Variants in RPTOR observed in about 807,000 individuals in gnomAD.
The protein encoded by RPTOR is regulatory associated protein of MTOR complex 1.
A neutral mutation model predicts 169.9 loss-of-function variants in RPTOR; 21 were observed. The ratio of observed to expected loss-of-function variants is 0.12; its 90% CI spans 0.09 to 0.18. The LOEUF (loss-of-function observed/expected upper bound fraction) is 0.18, where lower values mean the gene tolerates loss of function less well. Ranked by LOEUF, RPTOR falls within the 10% of genes least tolerant of loss-of-function variation. The pLI is 1.00. For missense variants in RPTOR, 1,133 were observed against 1,855.9 expected (o/e 0.61, Z 7.16); for synonymous variants, 732 against 753.2 (o/e 0.97, Z 0.46).
intron 13 of RPTOR, among the ~76,000 whole-genome samples, chr17:80,863,948 C>G (rs1224809129): frequency 1.3e-5 from 2 of 151,648 alleles, no homozygotes; most frequent in Non-Finnish European, 2.9e-5. Flanking sequence ...GCAATAGAAA[C>G]TAACAAAAAT....
intron 3 of RPTOR, among the ~76,000 whole-genome samples, chr17:80,656,408 T>G (rs1413154252): frequency 1.3e-5 from 2 of 152,190 alleles, no homozygotes; most frequent in Non-Finnish European, 2.9e-5. Context: ...GACTTCAGAA[T>G]CTAACTCCAG....
intron 13 of RPTOR, among the ~76,000 whole-genome samples, chr17:80,865,677 G>A (rs1016296078): frequency 1.3e-5 from 2 of 152,022 alleles, no homozygotes; most frequent in African/African-American, 2.4e-5. Flanking sequence ...ATGGAACTGC[G>A]AGGAGAAGTA....
At chr17:80,587,774 C>CT (rs56133925) in intron 1 of RPTOR, among the ~76,000 whole-genome samples, 27,625 of 147,032 alleles carry the variant, frequency 0.19, 2,802 homozygotes, top group East Asian at 0.28. Flanking sequence ...ACATATGTAT[C>CT]TTTTTTTTTT....
At chr17:80,710,712 T>C (rs1319563093) in intron 4 of RPTOR, among the ~76,000 whole-genome samples, 2 of 152,132 alleles carry the variant, frequency 1.3e-5, no homozygotes, top group East Asian at 3.9e-4. Flanking sequence ...TGGATTAACC[T>C]GTGTTATGAT....
At chr17:80,838,316 G>A (rs946484617) in intron 10 of RPTOR, among the ~76,000 whole-genome samples, 4 of 152,276 alleles carry the variant, frequency 2.6e-5, no homozygotes, top group South Asian at 2.1e-4. Flanking sequence ...CCACAGACGC[G>A]TTGTGGATCT....
intron 9 of RPTOR, among the ~76,000 whole-genome samples, chr17:80,836,468 G>A (rs990271125): frequency 4.6e-5 from 7 of 152,204 alleles, no homozygotes; most frequent in African/African-American, 1.4e-4. Flanking sequence ...GCGCGTGGCT[G>A]TCTCTCTAGG....
rs777170452 is a variant in RPTOR at position 80,822,310 on chromosome 17, C to T, written c.991+9C>T. 29 of 1,613,442 alleles carry T rather than the reference C, an allele frequency of 1.8e-5. No homozygotes were observed. The highest frequency in any genetic ancestry group is 1.8e-4 in the East Asian group (8 of 44,880). ...GAACGTGCTCCCCCGGGGTGAGGCG[C>T]GGGCCGGGCCTTGGGGAGGGAGGCT... On this transcript the variant is annotated intron_variant, in intron 8 of 33. Transcript: ENST00000306801.
At chr17:80,608,199 C>T (rs2065242380) in intron 1 of RPTOR, among the ~76,000 whole-genome samples, 1 of 152,222 alleles carries the variant, frequency 6.6e-6, no homozygotes. Flanking sequence ...GACGGCGCAG[C>T]ACAGTGACAG....
intron 9 of RPTOR, among the ~76,000 whole-genome samples, chr17:80,835,100 G>A (rs373886401): frequency 1.1e-4 from 16 of 152,146 alleles, no homozygotes; most frequent in African/African-American, 3.9e-4. Flanking sequence ...CGTACTTTGA[G>A]GCCTTTTGAT....
At chr17:80,894,764 C>CGTGTGTGT (rs367599427) in intron 20 of RPTOR, among the ~76,000 whole-genome samples, 1 of 150,660 alleles carries the variant, frequency 6.6e-6, no homozygotes, top group Non-Finnish European at 1.5e-5. Flanking sequence ...AAGAGCGCTG[C>CGTGTGTGT]GTGTGTGTGT....
intron 6 of RPTOR, among the ~76,000 whole-genome samples, chr17:80,755,815 C>A (rs2066675505): frequency 6.6e-6 from 1 of 151,540 alleles, no homozygotes; most frequent in African/African-American, 2.4e-5. Context: ...GAGGGATCTG[C>A]AGTGTTTCTG....
At chr17:80,949,183 T>C (rs539127912) in intron 27 of RPTOR, among the ~76,000 whole-genome samples, 23 of 152,172 alleles carry the variant, frequency 1.5e-4, no homozygotes, top group Middle Eastern at 3.4e-3. Flanking sequence ...AGAGTTGAGC[T>C]CTGTGGCCAG....
At position 80,777,036 on chromosome 17, in the gene RPTOR, C is replaced by G. The variant is rs1489900783; in HGVS notation, c.831-14414C>G. Among the ~76,000 whole-genome samples the G allele has an allele frequency of 2.0e-5, 3 of 152,072 alleles. No individual in the cohort carries two copies. The East Asian group carries it at 5.8e-4, about 29-fold the overall frequency. On this transcript the variant is annotated intron_variant, in intron 6 of 33. Coordinates refer to ENST00000306801, the MANE Select transcript of RPTOR (RefSeq NM_020761.3). ...GGCAGATTACCTGAGGTCGGGAGTT[C>G]AAGACCATCCTGACCAACATGGAGA...
intron 9 of RPTOR, among the ~76,000 whole-genome samples, chr17:80,831,059 T>C (rs1355168594): frequency 6.6e-6 from 1 of 152,204 alleles, no homozygotes; most frequent in Non-Finnish European, 1.5e-5. Flanking sequence ...AACATCATTT[T>C]AAAGCAGCTC....
intron 5 of RPTOR, among the ~76,000 whole-genome samples, chr17:80,745,306 C>T (rs12935984): frequency 0.43 from 65,209 of 151,876 alleles, 14,594 homozygotes; most frequent in Non-Finnish European, 0.49. Flanking sequence ...CTCGGGGTAA[C>T]TGTGACAAAC....
intron 13 of RPTOR, among the ~76,000 whole-genome samples, chr17:80,877,716 C>T (rs1477680385): frequency 1.3e-5 from 2 of 152,120 alleles, no homozygotes; most frequent in African/African-American, 2.4e-5. Flanking sequence ...GGACGGCGGT[C>T]GATGCATCTC....
In RPTOR at chr17:80,931,914, A is replaced by G. The variant is rs1477497978; in HGVS notation, c.2919+6434A>G. 2.1e-5 allele frequency among the ~76,000 whole-genome samples: 3 copies of G among 143,620 alleles called. No individual in the cohort carries two copies. The East Asian group carries it at 7.0e-4, about 33-fold the overall frequency. The allele number at this position is 143,620 out of a possible 152,430, so 94.2% of individuals were successfully genotyped here. On this transcript the variant is annotated intron_variant, in intron 24 of 33. Transcript: ENST00000306801. The stretch of plus-strand genomic sequence containing the variant: ...GAGAGAGAAGCCCCCCAAGGTGCAG[A>G]CACACGAGGAAAGCCAAAAACCAAG...
At chr17:80,719,888 C>G (rs1258960422) in intron 4 of RPTOR, among the ~76,000 whole-genome samples, 1 of 152,088 alleles carries the variant, frequency 6.6e-6, no homozygotes, top group Non-Finnish European at 1.5e-5. Flanking sequence ...ATTCCATGAG[C>G]AATTCTAAAT....
chr17:80,750,450 A>G (rs569522687), intron 5 of RPTOR, among the ~76,000 whole-genome samples: 14 of 152,306 alleles, frequency 9.2e-5, no homozygotes, highest in African/African-American at 3.4e-4. Context: ...GGTCTGCCTC[A>G]GATGCCTCCC....
Sources: gnomAD v4.1 joint callset for allele counts (sites outside exome capture counted in the v4.1 genomes callset) on GRCh38, gnomAD v4.1.1 for gene constraint, MANE v1.5 for transcripts, NCBI Gene and HGNC (gene_info 2026-07-23, HGNC 2026-07-21) for gene names.